Variants in KATNA1 observed in about 807,000 individuals in gnomAD.
KATNA1 encodes the protein katanin p60 ATPase-containing subunit A1.
KATNA1 carries 42 observed loss-of-function variants against 62.6 expected under a neutral mutation model. That is an observed-to-expected ratio of 0.67 (90% confidence interval 0.52 to 0.87). The LOEUF is 0.87. KATNA1 is among the 40% of genes least tolerant of loss of function. The pLI, the probability that KATNA1 is intolerant of heterozygous loss-of-function variation, is 0.00. For synonymous variants in KATNA1, 186 were observed against 201.9 expected (o/e 0.92, Z 0.67); for missense variants, 498 against 612.5 (o/e 0.81, Z 1.97).
chr6:149,595,050 A>C lies in KATNA1; in HGVS notation c.1462T>G (p.Phe488Val), dbSNP rs769265298. Reference sequence around the variant, plus strand: ...CATGTGAGAATTTAGCATGATCCAAACTCAAATATCCATTTCTCGTATCTT... The same window carrying C: ...CATGTGAGAATTTAGCATGATCCAACCTCAAATATCCATTTCTCGTATCTT... The part of the protein sequence containing the change: ...IERYEKWIFE[F>V]GSC Residue 488 changes from phenylalanine (F) to valine (V), a missense_variant, in exon 11 of 11, where the codon TTT becomes GTT. By Grantham distance (50) the Phe-to-Val change is conservative. Around this residue, in one of 3 missense-constraint regions of KATNA1, gnomAD observed 267 missense variants for 372.6 expected, o/e 0.72. Transcript: ENST00000367411. The C allele has an allele frequency of 6.2e-7, 1 of 1,613,566 alleles. No homozygotes were observed. Among genetic ancestry groups the C allele is most frequent in the Non-Finnish European group, 8.5e-7 (1 of 1,179,758 alleles).
chr6:149,633,300 G>C (rs571156661), intron 2 of KATNA1, among the ~76,000 whole-genome samples: 1 of 151,802 alleles, frequency 6.6e-6, no homozygotes, highest in Non-Finnish European at 1.5e-5. Context: ...GTAGAGACAG[G>C]GTTTCACCAT....
chr6:149,641,469 C>A (rs570081699), intron 1 of KATNA1, among the ~76,000 whole-genome samples: 4 of 152,032 alleles, frequency 2.6e-5, no homozygotes, highest in Non-Finnish European at 5.9e-5. Context: ...AGCCACAGCG[C>A]CTGGCCTGCC....
intron 1 of KATNA1, among the ~76,000 whole-genome samples, chr6:149,640,524 G>A (rs549986444): frequency 1.3e-5 from 2 of 151,904 alleles, no homozygotes; most frequent in Non-Finnish European, 2.9e-5. Context: ...TAAGTATGGT[G>A]GGGGTTTTTT....
intron 4 of KATNA1, among the ~76,000 whole-genome samples, chr6:149,615,626 G>C (rs1042371603): frequency 2.0e-5 from 3 of 152,072 alleles, no homozygotes; most frequent in African/African-American, 7.2e-5. Flanking sequence ...CAAACTGGCA[G>C]AACGGACAAA....
At position 149,595,032 on chromosome 6, in the gene KATNA1, G is replaced by A; in HGVS notation, c.*4C>T. Reference sequence around the variant, plus strand: ...CACATTTCTCACAGTTTACATGTGAGAATTTAGCATGATCCAAACTCAAAT... The same window carrying A: ...CACATTTCTCACAGTTTACATGTGAAAATTTAGCATGATCCAAACTCAAAT... On this transcript the variant is annotated 3_prime_UTR_variant, in exon 11 of 11. Coordinates refer to ENST00000367411, the MANE Select transcript of KATNA1 (RefSeq NM_007044.4). 1 of 1,610,912 alleles carries A rather than the reference G, an allele frequency of 6.2e-7. No individual in the cohort carries two copies. The highest frequency in any genetic ancestry group is 2.2e-5 in the East Asian group (1 of 44,848).
intron 4 of KATNA1, among the ~76,000 whole-genome samples, chr6:149,606,055 C>T (rs1278266209): frequency 6.6e-6 from 1 of 152,000 alleles, no homozygotes; most frequent in African/African-American, 2.4e-5. Flanking sequence ...CCACTGTGTC[C>T]GGCCTGAATA....
intron 1 of KATNA1, among the ~76,000 whole-genome samples, chr6:149,640,429 G>C (rs906922125): frequency 1.3e-5 from 2 of 152,072 alleles, no homozygotes; most frequent in African/African-American, 4.8e-5. Context: ...CTGTACTCCA[G>C]CCTGGGCAAC....
chr6:149,643,301 G>C (rs1053916336), intron 1 of KATNA1, among the ~76,000 whole-genome samples: 2 of 152,204 alleles, frequency 1.3e-5, no homozygotes, highest in African/African-American at 4.8e-5. Flanking sequence ...ACAGCTCTGA[G>C]AAACACCCTG....
In KATNA1 at chr6:149,626,292, C is replaced by CTTTTTTTTTTTTTTTTTT. The variant is rs544379629; in HGVS notation, c.321-3027_321-3010dup. The stretch of plus-strand genomic sequence containing the variant: ...GAAACAACTATTTATATAACATTTA[C>CTTTTTTTTTTTTTTTTTT]TTTTTTTTTTTTTTTTTTTTGAGAC... On this transcript the variant is annotated intron_variant, in intron 3 of 10. Coordinates refer to ENST00000367411, the MANE Select transcript of KATNA1 (RefSeq NM_007044.4). 2.8e-4 allele frequency among the ~76,000 whole-genome samples: 25 copies of CTTTTTTTTTTTTTTTTTT among 88,724 alleles called. 1 individual carries two copies. The highest frequency in any genetic ancestry group is 3.7e-4 in the African/African-American group (7 of 18,718). The allele number at this position is 88,724 out of a possible 152,430, so 58.2% of individuals were successfully genotyped here. A position where few individuals can be genotyped will look rare whatever the true frequency, so the allele number is the denominator to read the frequency against.
chr6:149,615,422 C>T (rs1360033576), intron 4 of KATNA1, among the ~76,000 whole-genome samples: 1 of 151,828 alleles, frequency 6.6e-6, no homozygotes, highest in African/African-American at 2.4e-5. Flanking sequence ...CCATGCTGGT[C>T]TCGAACTCCT....
chr6:149,608,385 C>T (rs931866746), intron 4 of KATNA1, among the ~76,000 whole-genome samples: 9 of 152,150 alleles, frequency 5.9e-5, no homozygotes, highest in African/African-American at 9.7e-5. Flanking sequence ...AACCTGGATA[C>T]GCCAATTTGA....
At chr6:149,628,490 C>T (rs1352313410) in intron 3 of KATNA1, among the ~76,000 whole-genome samples, 3 of 151,832 alleles carry the variant, frequency 2.0e-5, no homozygotes, top group Non-Finnish European at 4.4e-5. Context: ...TAAAATTTAG[C>T]TGATCATAAG....
At chr6:149,597,216 G>A in intron 9 of KATNA1, 27 bp from the exon 10 acceptor site, 7 of 1,609,372 alleles carry the variant, frequency 4.3e-6, no homozygotes, top group Non-Finnish European at 5.9e-6. Context: ...ATTTTAAAAT[G>A]TAAGCCTGCA....
At chr6:149,604,833 G>A (rs1778675491) in intron 4 of KATNA1, 51 bp from the exon 5 acceptor site, 1 of 1,580,658 alleles carries the variant, frequency 6.3e-7, no homozygotes, top group Admixed American at 1.8e-5. Context: ...TTTTGTTTCT[G>A]TGAGTCGGAA....
Position 149,623,231 on chromosome 6 carries a change from A to C in KATNA1, c.373T>G (p.Ser125Ala). 6.2e-7 allele frequency: 1 copy of C among 1,613,540 alleles called. No individual in the cohort carries two copies. The highest frequency in any genetic ancestry group is 8.5e-7 in the Non-Finnish European group (1 of 1,179,886). The part of the protein sequence containing the change: ...RQSSQYSDPK[S>A]HGNRPSTTVR... ...GTTGTACTTGGACGATTACCATGTG[A>C]TTTAGGGTCACTGTACTGAGAAGAT... Residue 125 changes from serine to alanine, a missense_variant, in exon 4 of 11, where the codon TCA (serine) becomes GCA (alanine). Ser to Ala is a moderately conservative substitution (Grantham distance 99). This residue lies in a region of KATNA1 where 203 missense variants were observed against 198.4 expected (regional missense o/e 1.02). Transcript: ENST00000367411.
intron 4 of KATNA1, among the ~76,000 whole-genome samples, chr6:149,617,959 TAAATAAATAATA>T (rs1265330984): frequency 5.0e-5 from 7 of 140,646 alleles, no homozygotes; most frequent in African/African-American, 1.6e-4. Context: ...AATAAATAAA[TAAATAAATAATA>T]AAATAAATAA....
chr6:149,632,880 T>C lies in KATNA1; in HGVS notation c.199A>G (p.Lys67Glu). ...CTCTCTAGTGTTTTCATGATATCTT[T>C]AACATGTTTAGCTTCCACATTTATT... ...QEINVEAKHV[K>E]DIMKTLESFK... is the part of the protein sequence containing the mutation. The change falls in exon 3 of 11, where the codon AAA becomes GAA. Residue 67 changes from lysine to glutamate, a missense_variant. Coordinates refer to ENST00000367411, the MANE Select transcript of KATNA1 (RefSeq NM_007044.4). 1 of 1,609,970 alleles carries C rather than the reference T, an allele frequency of 6.2e-7. No individual in the cohort carries two copies. The highest frequency in any genetic ancestry group is 8.5e-7 in the Non-Finnish European group (1 of 1,179,124).
At chr6:149,600,392 G>A (rs560902960) in intron 7 of KATNA1, among the ~76,000 whole-genome samples, 1 of 152,038 alleles carries the variant, frequency 6.6e-6, no homozygotes, top group Non-Finnish European at 1.5e-5. Context: ...TAACACTTTG[G>A]GAGGCCAAGG....
At chr6:149,640,419 CTG>C (rs1046861521) in intron 1 of KATNA1, among the ~76,000 whole-genome samples, 1 of 151,932 alleles carries the variant, frequency 6.6e-6, no homozygotes, top group Non-Finnish European at 1.5e-5. Context: ...GATAGTGCCA[CTG>C]TACTCCAGCC....
Sources: allele counts gnomAD v4.1 joint callset (sites outside exome capture counted in the v4.1 genomes callset), GRCh38; gene constraint gnomAD v4.1.1; regional missense constraint gnomAD v4.1.1; transcripts MANE v1.5; gene names NCBI Gene and HGNC (gene_info 2026-07-23, HGNC 2026-07-21).